Variants in LRRC4C observed in about 807,000 individuals in gnomAD.
LRRC4C encodes leucine-rich repeat-containing protein 4C.
Under a neutral mutation model 33.6 loss-of-function variants are expected in LRRC4C, and 5 were observed. The observed-to-expected ratio is 0.15, with a 90% CI of 0.08 to 0.31. LRRC4C has a LOEUF of 0.31. Among genes scored for constraint, LRRC4C ranks in the 10% least tolerant of loss-of-function variants. The pLI, the probability that LRRC4C is intolerant of heterozygous loss-of-function variation, is 1.00. For missense variants in LRRC4C, 560 were observed against 796.7 expected (o/e 0.70, Z 3.58); for synonymous variants, 329 against 302.0 (o/e 1.09, Z -0.93).
At chr11:40,877,222 A>G (rs1321334157) in intron 2 of LRRC4C, among the ~76,000 whole-genome samples, 2 of 152,124 alleles carry the variant, frequency 1.3e-5, no homozygotes, top group Non-Finnish European at 2.9e-5. Context: ...TAGTCAAACC[A>G]GAAAGGCGTC....
chr11:40,906,819 T>A (rs1256045282), intron 2 of LRRC4C, among the ~76,000 whole-genome samples: 1 of 152,194 alleles, frequency 6.6e-6, no homozygotes, highest in Non-Finnish European at 1.5e-5. Flanking sequence ...GTTCTATACA[T>A]ATACATTATT....
chr11:40,305,220 C>A (rs1013999653), intron 4 of LRRC4C, among the ~76,000 whole-genome samples: 18 of 152,220 alleles, frequency 1.2e-4, no homozygotes, highest in African/African-American at 4.1e-4. Flanking sequence ...CCCTCTCAAG[C>A]AACTCAATTG....
intron 4 of LRRC4C, among the ~76,000 whole-genome samples, chr11:40,274,084 A>C (rs1303087757): frequency 6.6e-6 from 1 of 152,094 alleles, no homozygotes; most frequent in Non-Finnish European, 1.5e-5. Context: ...TGTGGCCAGT[A>C]AGCTGGGGCA....
intron 1 of LRRC4C, among the ~76,000 whole-genome samples, chr11:41,272,754 T>G (rs2136854942): frequency 6.6e-6 from 1 of 152,316 alleles, no homozygotes; most frequent in East Asian, 1.9e-4. Flanking sequence ...TTTCCCCTTC[T>G]TACTTAGCTG....
chr11:40,616,464 T>G (rs1370206346), intron 3 of LRRC4C, among the ~76,000 whole-genome samples: 1 of 151,704 alleles, frequency 6.6e-6, no homozygotes, highest in Non-Finnish European at 1.5e-5. Flanking sequence ...TGCATGCATA[T>G]GTTTATTGCG....
chr11:41,015,788 T>A (rs113533498), intron 1 of LRRC4C, among the ~76,000 whole-genome samples: 2 of 152,160 alleles, frequency 1.3e-5, no homozygotes, highest in East Asian at 3.9e-4. Context: ...TCAGAAACTT[T>A]CTTGTTTGCA....
chr11:40,289,803 G>C (rs1744847248), intron 4 of LRRC4C, among the ~76,000 whole-genome samples: 1 of 152,190 alleles, frequency 6.6e-6, no homozygotes, highest in Non-Finnish European at 1.5e-5. Context: ...TGACACCTTA[G>C]ATGCCCCATT....
intron 1 of LRRC4C, among the ~76,000 whole-genome samples, chr11:41,433,257 C>A (rs1053866965): frequency 6.6e-6 from 1 of 152,088 alleles, no homozygotes; most frequent in Non-Finnish European, 1.5e-5. Context: ...AAAAAAATAA[C>A]CACTACCAAA....
At chr11:41,005,339 C>T (rs561527983) in intron 1 of LRRC4C, among the ~76,000 whole-genome samples, 2 of 152,256 alleles carry the variant, frequency 1.3e-5, no homozygotes, top group African/African-American at 4.8e-5. Flanking sequence ...CGTGATGGCT[C>T]ATGCCTATAA....
intron 1 of LRRC4C, among the ~76,000 whole-genome samples, chr11:41,265,283 C>T (rs1403251158): frequency 5.3e-5 from 8 of 151,956 alleles, no homozygotes; most frequent in Non-Finnish European, 1.2e-4. Flanking sequence ...GGTGAACAAA[C>T]CAATGATCAA....
chr11:41,305,923 T>TAAAAAAA (rs1950486999), intron 1 of LRRC4C, among the ~76,000 whole-genome samples: 1 of 59,816 alleles, frequency 1.7e-5, no homozygotes, highest in South Asian at 4.1e-4. Flanking sequence ...TAAAAAAAAA[T>TAAAAAAA]AATAAAATAA....
chr11:41,371,680 G>A (rs1007449372), intron 1 of LRRC4C, among the ~76,000 whole-genome samples: 6 of 152,184 alleles, frequency 3.9e-5, no homozygotes, highest in Non-Finnish European at 8.8e-5. Context: ...AAAGCATGTA[G>A]AGTTATAAAT....
intron 1 of LRRC4C, among the ~76,000 whole-genome samples, chr11:41,154,525 A>G (rs113910044): frequency 4.6e-5 from 7 of 152,298 alleles, no homozygotes; most frequent in African/African-American, 1.7e-4. Context: ...TTGGTGAATT[A>G]AATTAAATTG....
At chr11:40,508,275 T>C (rs570832423) in intron 3 of LRRC4C, among the ~76,000 whole-genome samples, 1 of 152,324 alleles carries the variant, frequency 6.6e-6, no homozygotes, top group Admixed American at 6.5e-5. Context: ...AATTATTTAC[T>C]TTTACTTTGT....
intron 2 of LRRC4C, among the ~76,000 whole-genome samples, chr11:40,842,848 C>T (rs1176924252): frequency 6.6e-6 from 1 of 152,144 alleles, no homozygotes; most frequent in Non-Finnish European, 1.5e-5. Flanking sequence ...ACCTAAACAA[C>T]TGATTCTACA....
At chr11:41,170,923 C>A (rs1944946496) in intron 1 of LRRC4C, among the ~76,000 whole-genome samples, 1 of 151,982 alleles carries the variant, frequency 6.6e-6, no homozygotes, top group African/African-American at 2.4e-5. Flanking sequence ...AACAAACAAC[C>A]CCATCAAAAA....
intron 2 of LRRC4C, among the ~76,000 whole-genome samples, chr11:40,891,710 G>A (rs576034077): frequency 9.9e-5 from 15 of 152,056 alleles, no homozygotes; most frequent in African/African-American, 2.9e-4. Flanking sequence ...ATACTATCTC[G>A]CCCCAGTTAA....
chr11:41,366,229 GA>G (rs1952536824), intron 1 of LRRC4C, among the ~76,000 whole-genome samples: 2 of 146,322 alleles, frequency 1.4e-5, no homozygotes, highest in East Asian at 1.9e-4. Context: ...TAGATAGATA[GA>G]TAGATAGATA....
At chr11:41,219,799 GA>G (rs1396809216) in intron 1 of LRRC4C, among the ~76,000 whole-genome samples, 2 of 152,138 alleles carry the variant, frequency 1.3e-5, no homozygotes, top group African/African-American at 4.8e-5. Flanking sequence ...ATTTTATTCA[GA>G]AAAAGTAGAA....
Sources: gnomAD v4.1 joint callset for allele counts (sites outside exome capture counted in the v4.1 genomes callset) on GRCh38, gnomAD v4.1.1 for gene constraint, MANE v1.5 for transcripts, NCBI Gene and HGNC (gene_info 2026-07-23, HGNC 2026-07-21) for gene names.